SLC24A5: variants seen among roughly 807,000 people sequenced by gnomAD.
SLC24A5 encodes the protein sodium/potassium/calcium exchanger 5.
SLC24A5 carries 46 observed loss-of-function variants against 51.6 expected under a neutral mutation model. That is an observed-to-expected ratio of 0.89 (90% CI 0.70 to 1.14). The LOEUF (loss-of-function observed/expected upper bound fraction) is 1.14, where lower values mean the gene tolerates loss of function less well. Among genes scored for constraint, SLC24A5 ranks in the 50% most tolerant of loss-of-function variants. The pLI, the probability that SLC24A5 is intolerant of heterozygous loss-of-function variation, is 0.00. For missense variants in SLC24A5, 581 were observed against 604.1 expected (o/e 0.96, Z 0.40); for synonymous variants, 230 against 214.9 (o/e 1.07, Z -0.62).
chr15:48,141,168 A>T lies in SLC24A5; in HGVS notation c.1134A>T (p.Gly378=). 1 of 1,614,012 alleles carries T rather than the reference A, an allele frequency of 6.2e-7. No individual in the cohort carries two copies. The highest frequency in any genetic ancestry group is 1.7e-5 in the Admixed American group (1 of 60,018). ...TGGGCCTTACTTTATTAGCAGCAGG[A>T]ACAAGCATACCAGACACAATTGCAA... ...TVMGLTLLAA[G]TSIPDTIASV... The change falls in exon 8 of 9, where the codon GGA becomes GGT. Residue 378 remains glycine (G), a synonymous_variant. Coordinates refer to ENST00000341459, the MANE Select transcript of SLC24A5 (RefSeq NM_205850.3).
chr15:48,123,352 C>T (rs1484231306), intron 2 of SLC24A5: 1 of 151,878 alleles, frequency 6.6e-6, no homozygotes, highest in African/African-American at 2.4e-5. Flanking sequence ...GATAAAATCA[C>T]CTGTATTTCC....
Position 48,134,967 on chromosome 15 carries a change from T to C in SLC24A5, c.573T>C (p.Tyr191=), listed in dbSNP as rs1317645393. 6.2e-7 allele frequency: 1 copy of C among 1,608,884 alleles called. No individual in the cohort carries two copies. Among genetic ancestry groups the C allele is most frequent in the African/African-American group, 1.3e-5 (1 of 74,804 alleles). ...CAGCAGCAGTTCTTGGTATAATATA[T>C]GACAACCAAGTTTACTGGTAAGCTT... is the stretch of plus-strand genomic sequence containing the variant. ...ISAAAVLGII[Y]DNQVYWYEGA... is the part of the protein sequence containing the mutation. Residue 191 remains tyrosine (Y), a synonymous_variant, in exon 5 of 9, where the codon TAT becomes TAC. Transcript: ENST00000341459.
At chr15:48,132,172 C>G (rs1260666153) in intron 2 of SLC24A5, among the ~76,000 whole-genome samples, 1 of 152,130 alleles carries the variant, frequency 6.6e-6, no homozygotes, top group Non-Finnish European at 1.5e-5. Flanking sequence ...CACAGACTAG[C>G]CTCTACCTCA....
At chr15:48,134,157 G>T (rs1222370198) in intron 2 of SLC24A5, 101 bp from the exon 3 acceptor site, 1 of 975,276 alleles carries the variant, frequency 1.0e-6, no homozygotes, top group Non-Finnish European at 1.6e-6. Flanking sequence ...GTTTAATAGT[G>T]GTTTTATGTG....
Position 48,142,560 on chromosome 15 carries a change from G to GA in SLC24A5, c.*215dup, listed in dbSNP as rs1014114484. ...ATATTATAAAACAGAAGTTTGGGGG[G>GA]AAAAAATCTATGTTTTACCATACAA... On this transcript the variant is annotated 3_prime_UTR_variant, in exon 9 of 9. Transcript: ENST00000341459. 1.8e-4 allele frequency: 85 copies of GA among 471,968 alleles called. 1 individual carries two copies. Among genetic ancestry groups the GA allele is most frequent in the Middle Eastern group, 1.1e-3 (2 of 1,758 alleles). 29.2% of individuals were successfully genotyped at this position (471,968 alleles called of 1,614,324 possible).
rs779316920 is a variant in SLC24A5, at chr15:48,141,203, T to C, written c.1169T>C (p.Val390Ala). The change falls in exon 8 of 9, where the codon GTT becomes GCT. Residue 390 changes from valine (V) to alanine (A), a missense_variant. Val to Ala is a moderately conservative substitution (Grantham distance 64). Coordinates refer to ENST00000341459, the MANE Select transcript of SLC24A5 (RefSeq NM_205850.3). ...SIPDTIASVLVARKGKGDMAM... is the reference protein window; with the variant it reads ...SIPDTIASVLAARKGKGDMAM... ...CCAGACACAATTGCAAGTGTGTTGG[T>C]TGCAAGAAAAGGTAAGAACTAGGTC... 17 of 1,613,100 alleles carry C rather than the reference T, an allele frequency of 1.1e-5. No homozygotes were observed. Among genetic ancestry groups the C allele is most frequent in the East Asian group, 8.9e-5 (4 of 44,866 alleles).
intron 7 of SLC24A5, chr15:48,139,446 T>G: frequency 3.8e-6 from 1 of 264,584 alleles, no homozygotes; most frequent in Non-Finnish European, 7.2e-6. Context: ...TAGGATGTCT[T>G]TTTATTATGC....
At chr15:48,134,043 T>C (rs1432400285) in intron 2 of SLC24A5, among the ~76,000 whole-genome samples, 2 of 152,114 alleles carry the variant, frequency 1.3e-5, no homozygotes, top group Non-Finnish European at 2.9e-5. Flanking sequence ...ATATTCCCTT[T>C]AGTCTCCTGG....
intron 2 of SLC24A5, among the ~76,000 whole-genome samples, chr15:48,129,332 T>C (rs1210440227): frequency 6.6e-6 from 1 of 152,120 alleles, no homozygotes; most frequent in African/African-American, 2.4e-5. Flanking sequence ...CTCAAAATAT[T>C]TCTAGGAATA....
chr15:48,125,792 C>T (rs1326149944), intron 2 of SLC24A5, among the ~76,000 whole-genome samples: 5 of 152,180 alleles, frequency 3.3e-5, no homozygotes, highest in Admixed American at 6.5e-5. Flanking sequence ...TAATGTAGTA[C>T]AGTGGAACTT....
intron 2 of SLC24A5, chr15:48,124,320 T>G (rs1400586105): frequency 6.6e-6 from 1 of 152,070 alleles, no homozygotes; most frequent in Non-Finnish European, 1.5e-5. Flanking sequence ...TTCCAACAGT[T>G]GATCAATTTT....
intron 2 of SLC24A5, among the ~76,000 whole-genome samples, chr15:48,126,101 GTATGTTGGTCTTGGTCTCCTAGAGCTGCC>G (rs1368863350): frequency 6.6e-6 from 1 of 152,180 alleles, no homozygotes; most frequent in Non-Finnish European, 1.5e-5. Flanking sequence ...TTGGACCTAT[GTATGTTGGTCTTGGTCTCCTAGAGCTGCC>G]TCCACCAGAG....
At chr15:48,127,507 A>G (rs1179290908) in intron 2 of SLC24A5, among the ~76,000 whole-genome samples, 2 of 152,214 alleles carry the variant, frequency 1.3e-5, no homozygotes, top group Admixed American at 1.3e-4. Flanking sequence ...TTTAAAGTAT[A>G]CCTTAAATAT....
intron 5 of SLC24A5, 59 bp from the exon 6 acceptor site, chr15:48,136,624 C>T (rs2038906530): frequency 4.8e-6 from 7 of 1,459,196 alleles, no homozygotes; most frequent in African/African-American, 2.8e-5. Context: ...TGCCCAAAAG[C>T]TATCAACTCT....
At chr15:48,141,799 C>A (rs879661567) in intron 8 of SLC24A5, 7 of 305,044 alleles carry the variant, frequency 2.3e-5, no homozygotes, top group Non-Finnish European at 3.6e-5. Context: ...AAGCTATATA[C>A]CTTATTGAAA....
intron 6 of SLC24A5, chr15:48,138,357 T>C (rs2038953841): frequency 6.6e-6 from 1 of 152,088 alleles, no homozygotes. Context: ...TCAATTTTCA[T>C]AAATTGTACT....
At position 48,134,245 on chromosome 15, in the gene SLC24A5, C is replaced by A; in HGVS notation, c.302-13C>A. 1 of 1,609,976 alleles carries A rather than the reference C, an allele frequency of 6.2e-7. No homozygotes were observed. Among genetic ancestry groups the A allele is most frequent in the African/African-American group, 1.3e-5 (1 of 74,586 alleles). ...ACTTTATTAGGCATAACAATCATTT[C>A]ATTTATGTTCAGCCCTTGGATTGTC... is the stretch of plus-strand genomic sequence containing the variant. On this transcript the variant is annotated splice_polypyrimidine_tract_variant and intron_variant, in intron 2 of 8. Coordinates refer to ENST00000341459, the MANE Select transcript of SLC24A5 (RefSeq NM_205850.3).
At chr15:48,123,663 T>TCATGCC (rs1448880127) in intron 2 of SLC24A5, 1 of 152,192 alleles carries the variant, frequency 6.6e-6, no homozygotes, top group Non-Finnish European at 1.5e-5. Flanking sequence ...TGTGTTAATG[T>TCATGCC]CATGCCCATA....
At chr15:48,135,551 G>T (rs900291327) in intron 5 of SLC24A5, 1 of 152,448 alleles carries the variant, frequency 6.6e-6, no homozygotes, top group Non-Finnish European at 1.5e-5. Flanking sequence ...GAAAAAGGTG[G>T]TGACTGAGTG....
Sources: allele counts gnomAD v4.1 joint callset (sites outside exome capture counted in the v4.1 genomes callset), GRCh38; gene constraint gnomAD v4.1.1; transcripts MANE v1.5; gene names NCBI Gene and HGNC (gene_info 2026-07-23, HGNC 2026-07-21).